The following FOCAD variants were observed in gnomAD, a reference collection of about 807,000 sequenced individuals.
FOCAD encodes focadhesin, also known as KIAA1797.
Under a neutral mutation model 225.6 loss-of-function variants are expected in FOCAD, and 198 were observed. The ratio of observed to expected loss-of-function variants is 0.88; its 90% CI spans 0.78 to 0.99. The LOEUF is 0.99. Ranked by LOEUF, FOCAD falls within the 50% of genes least tolerant of loss-of-function variation. The pLI is 0.00. For synonymous variants in FOCAD, 897 were observed against 755.0 expected (o/e 1.19, Z -3.08); for missense variants, 2,713 against 2,123.6 (o/e 1.28, Z -5.46).
At chr9:20,797,540 G>T (rs1285861188) in intron 11 of FOCAD, among the ~76,000 whole-genome samples, 1 of 152,072 alleles carries the variant, frequency 6.6e-6, no homozygotes, top group East Asian at 1.9e-4. Context: ...CACATCCCTT[G>T]TAAGTTGGAT....
intron 1 of FOCAD, among the ~76,000 whole-genome samples, chr9:20,708,978 C>G (rs1454065489): frequency 1.3e-5 from 2 of 152,080 alleles, no homozygotes; most frequent in Non-Finnish European, 2.9e-5. Context: ...TAGATTTCCT[C>G]TTGCTTTTAA....
intron 1 of FOCAD, among the ~76,000 whole-genome samples, chr9:20,694,080 T>C (rs1225430492): frequency 6.6e-6 from 1 of 152,206 alleles, no homozygotes; most frequent in East Asian, 1.9e-4. Flanking sequence ...ATTTATTCTT[T>C]GCAAGAAGAT....
At chr9:20,749,049 A>G (rs1158139171) in intron 5 of FOCAD, among the ~76,000 whole-genome samples, 1 of 152,066 alleles carries the variant, frequency 6.6e-6, no homozygotes, top group Non-Finnish European at 1.5e-5. Context: ...ATCATAGCAC[A>G]CAACTTAATG....
chr9:20,955,522 CTTT>C (rs10715548), intron 35 of FOCAD, among the ~76,000 whole-genome samples: 82 of 136,474 alleles, frequency 6.0e-4, no homozygotes, highest in Non-Finnish European at 7.4e-4. Flanking sequence ...ATAACTGGGT[CTTT>C]TTTTTTTTTT....
At chr9:20,867,973 C>T (rs1334636132) in intron 18 of FOCAD, among the ~76,000 whole-genome samples, 1 of 151,972 alleles carries the variant, frequency 6.6e-6, no homozygotes, top group Non-Finnish European at 1.5e-5. Context: ...TGAAAATAGG[C>T]TGTTGTAAAA....
intron 9 of FOCAD, among the ~76,000 whole-genome samples, chr9:20,779,026 A>T (rs924013515): frequency 1.3e-5 from 2 of 152,238 alleles, no homozygotes; most frequent in South Asian, 4.1e-4. Context: ...ATTCAGGAAT[A>T]TATTGAATGG....
At chr9:20,988,069 C>T (rs1841343293) in intron 40 of FOCAD, among the ~76,000 whole-genome samples, 1 of 152,184 alleles carries the variant, frequency 6.6e-6, no homozygotes, top group South Asian at 2.1e-4. Context: ...CCAACAAATG[C>T]ATTTTATCAC....
intron 11 of FOCAD, among the ~76,000 whole-genome samples, chr9:20,798,426 T>C (rs7043838): frequency 0.38 from 58,015 of 151,716 alleles, 11,328 homozygotes; most frequent in East Asian, 0.5. Context: ...GGAATGGTAC[T>C]AGCTCCTCCT....
chr9:20,848,452 A>G (rs1190090493), intron 15 of FOCAD, among the ~76,000 whole-genome samples: 1 of 152,004 alleles, frequency 6.6e-6, no homozygotes, highest in East Asian at 1.9e-4. Flanking sequence ...GGGTTAGAGT[A>G]ATATTTTTAG....
chr9:20,764,782 T>C, intron 6 of FOCAD, 87 bp from the exon 7 acceptor site: 1 of 982,348 alleles, frequency 1.0e-6, no homozygotes, highest in South Asian at 1.5e-5. Context: ...TTATGTTATG[T>C]CATGAACTAT....
intron 6 of FOCAD, among the ~76,000 whole-genome samples, chr9:20,760,986 C>G (rs1829541223): frequency 6.6e-6 from 1 of 151,510 alleles, no homozygotes; most frequent in Non-Finnish European, 1.5e-5. Context: ...TGTATATGTC[C>G]TAAAATGACA....
At chr9:20,686,652 T>A (rs931504853) in intron 1 of FOCAD, among the ~76,000 whole-genome samples, 3 of 152,142 alleles carry the variant, frequency 2.0e-5, no homozygotes, top group African/African-American at 7.2e-5. Context: ...AAAAGAAAAT[T>A]AGGGTGATAA....
At chr9:20,740,169 G>A (rs1827491259) in intron 4 of FOCAD, 67 bp from the exon 5 acceptor site, 11 of 1,018,856 alleles carry the variant, frequency 1.1e-5, no homozygotes, top group African/African-American at 1.6e-5. Context: ...AAAATGATAG[G>A]ATTAAGCACC....
In FOCAD at chr9:20,767,365, G is replaced by T. The variant is rs868373378; in HGVS notation, c.699+2292G>T. On this transcript the variant is annotated intron_variant, in intron 7 of 43. Transcript: ENST00000338382. ...AGTAATGGGATAGCTGGGTCAAATGGTATTTCTAGTTCTAGATCCCTGAGG... is the reference window on the plus strand; with the variant it reads ...AGTAATGGGATAGCTGGGTCAAATGTTATTTCTAGTTCTAGATCCCTGAGG... Among the ~76,000 whole-genome samples the T allele has an allele frequency of 3.4e-4, 46 of 134,016 alleles. 1 individual carries two copies. The highest frequency in any genetic ancestry group is 3.7e-3 in the Middle Eastern group (1 of 272). The allele number at this position is 134,016 out of a possible 152,430, so 87.9% of individuals were successfully genotyped here. A position where few individuals can be genotyped will look rare whatever the true frequency, so the allele number is the denominator to read the frequency against.
At chr9:20,899,066 C>G (rs1832345717) in intron 21 of FOCAD, among the ~76,000 whole-genome samples, 1 of 151,878 alleles carries the variant, frequency 6.6e-6, no homozygotes. Flanking sequence ...ATGGGTATTG[C>G]TTTCCCCCAG....
intron 21 of FOCAD, among the ~76,000 whole-genome samples, chr9:20,903,384 G>T (rs1419600543): frequency 6.6e-6 from 1 of 151,808 alleles, no homozygotes; most frequent in Non-Finnish European, 1.5e-5. Flanking sequence ...CTCTTTCCTG[G>T]ATTGTTGACG....
chr9:20,964,092 G>A (rs1372116438), intron 35 of FOCAD, among the ~76,000 whole-genome samples: 3 of 152,082 alleles, frequency 2.0e-5, no homozygotes, highest in Non-Finnish European at 4.4e-5. Context: ...TTGGCCAGAT[G>A]TGGTGTCTCA....
At chr9:20,899,673 G>T (rs778810833) in intron 21 of FOCAD, among the ~76,000 whole-genome samples, 8 of 151,948 alleles carry the variant, frequency 5.3e-5, no homozygotes, top group Non-Finnish European at 1.0e-4. Context: ...GATACTTCTT[G>T]AGCTACATGG....
chr9:20,813,455 T>C (rs1426460799), intron 11 of FOCAD, among the ~76,000 whole-genome samples: 1 of 152,162 alleles, frequency 6.6e-6, no homozygotes, highest in East Asian at 1.9e-4. Flanking sequence ...TGGCCACACC[T>C]TTTTTACATT....
Sources: allele counts gnomAD v4.1 joint callset (sites outside exome capture counted in the v4.1 genomes callset), GRCh38; gene constraint gnomAD v4.1.1; transcripts MANE v1.5; gene names NCBI Gene and HGNC (gene_info 2026-07-23, HGNC 2026-07-21).